Variants in ARMC2 observed in about 807,000 individuals in gnomAD.
ARMC2 encodes the protein armadillo repeat-containing protein 2.
ARMC2 carries 67 observed loss-of-function variants against 90.3 expected under a neutral mutation model. The ratio of observed to expected loss-of-function variants is 0.74; its 90% confidence interval spans 0.61 to 0.91. The LOEUF (loss-of-function observed/expected upper bound fraction) is 0.91, where lower values mean the gene tolerates loss of function less well. Among genes scored for constraint, ARMC2 ranks in the 40% least tolerant of loss-of-function variants. ARMC2 has a pLI of 0.00. For synonymous variants in ARMC2, 393 were observed against 393.0 expected, an observed-to-expected ratio of 1.00 and a Z score of 0.00; for missense variants, 920 against 1,030.9, an observed-to-expected ratio of 0.89 and a Z score of 1.47.
At chr6:108,927,363 A>G (rs184027472) in intron 10 of ARMC2, among the ~76,000 whole-genome samples, 1 of 152,342 alleles carries the variant, frequency 6.6e-6, no homozygotes, top group African/African-American at 2.4e-5. Context: ...GGGAGGTTAA[A>G]TAACTAACCC....
chr6:108,908,130 G>A lies in ARMC2; in HGVS notation c.1024-2769G>A, dbSNP rs79425483. ...TCTTGTAAAATGCAGATTCTGAGTC[G>A]GTAGTGCTGGGGGGGGCCTGAGATT... is the stretch of plus-strand genomic sequence containing the variant. On this transcript the variant is annotated intron_variant, in intron 8 of 17. Coordinates refer to ENST00000392644, the MANE Select transcript of ARMC2 (RefSeq NM_032131.6). 3.8e-3 allele frequency among the ~76,000 whole-genome samples: 461 copies of A among 121,058 alleles called. 3 individuals carry two copies. The highest frequency in any genetic ancestry group is 0.012 in the African/African-American group (443 of 37,158). The allele number at this position is 121,058 out of a possible 152,430, so 79.4% of individuals were successfully genotyped here.
intron 6 of ARMC2, among the ~76,000 whole-genome samples, chr6:108,895,482 C>CAAAAAAAA (rs58785510): frequency 1.0e-5 from 1 of 100,298 alleles, no homozygotes; most frequent in Non-Finnish European, 1.9e-5. Context: ...AGACTCATCT[C>CAAAAAAAA]AAAAAAAAAA....
At chr6:108,869,922 T>C (rs1462010538) in intron 4 of ARMC2, among the ~76,000 whole-genome samples, 5 of 152,112 alleles carry the variant, frequency 3.3e-5, no homozygotes, top group Admixed American at 3.3e-4. Context: ...AAAAATGAAG[T>C]AGAATAGAAT....
the ARMC2 span, among the ~76,000 whole-genome samples, chr6:108,979,774 T>C: frequency 6.6e-6 from 1 of 151,812 alleles, no homozygotes; most frequent in Non-Finnish European, 1.5e-5. Flanking sequence ...TTTCTTCTGC[T>C]TGATAGATAT....
chr6:108,971,466 A>G (rs1778760023), intron 17 of ARMC2, among the ~76,000 whole-genome samples: 1 of 152,204 alleles, frequency 6.6e-6, no homozygotes, highest in Non-Finnish European at 1.5e-5. Context: ...AGAGGAAGGT[A>G]CAAACTGGGA....
the ARMC2 span, among the ~76,000 whole-genome samples, chr6:109,038,026 G>A: frequency 6.6e-6 from 1 of 152,176 alleles, no homozygotes; most frequent in Non-Finnish European, 1.5e-5. Context: ...TCAAAATCAT[G>A]TCTATATGAG....
intron 1 of ARMC2, among the ~76,000 whole-genome samples, chr6:108,849,375 T>G (rs1773771707): frequency 6.6e-6 from 1 of 152,180 alleles, no homozygotes; most frequent in South Asian, 2.1e-4. Flanking sequence ...AATTATCTGT[T>G]TTCATAAAGG....
chr6:108,963,572 C>T (rs557431480), intron 15 of ARMC2, among the ~76,000 whole-genome samples: 1 of 151,918 alleles, frequency 6.6e-6, no homozygotes, highest in African/African-American at 2.4e-5. Context: ...CTTCCCCAAC[C>T]CTTTGCTCAG....
chr6:108,890,864 T>A (rs939304974), intron 5 of ARMC2, among the ~76,000 whole-genome samples: 1 of 152,194 alleles, frequency 6.6e-6, no homozygotes, highest in African/African-American at 2.4e-5. Flanking sequence ...CATCAGCCCA[T>A]CGTCTACATT....
rs75790503 is a variant in ARMC2 at position 108,861,519 on chromosome 6, A to G, written c.291+3248A>G. Among the ~76,000 whole-genome samples the G allele has an allele frequency of 5.8e-3, 884 of 152,374 alleles. 7 individuals carry two copies. The highest frequency in any genetic ancestry group is 0.021 in the African/African-American group (861 of 41,596). On this transcript the variant is annotated intron_variant, in intron 3 of 17. Coordinates refer to ENST00000392644, the MANE Select transcript of ARMC2 (RefSeq NM_032131.6). The stretch of plus-strand genomic sequence containing the variant: ...TGTCCAAATGACCCCAATTGCCTCA[A>G]AATGTATCTTATATTTTTAAAGTAT...
the ARMC2 span, among the ~76,000 whole-genome samples, chr6:109,039,655 A>G: frequency 6.6e-6 from 1 of 152,270 alleles, no homozygotes; most frequent in African/African-American, 2.4e-5. Flanking sequence ...TAGATGATTT[A>G]CATTTGTAGA....
chr6:108,994,346 T>C, the ARMC2 span: 11 of 759,844 alleles, frequency 1.4e-5, no homozygotes, highest in South Asian at 2.4e-4. Context: ...ACCTATGCAA[T>C]AGTCTCTCTA....
chr6:109,011,440 A>G, the ARMC2 span, among the ~76,000 whole-genome samples: 1 of 152,146 alleles, frequency 6.6e-6, no homozygotes, highest in South Asian at 2.1e-4. Context: ...CCTTCAAGCC[A>G]TTAAATGTCA....
chr6:108,873,843 C>T (rs1776674790), intron 4 of ARMC2, among the ~76,000 whole-genome samples: 1 of 152,200 alleles, frequency 6.6e-6, no homozygotes, highest in Non-Finnish European at 1.5e-5. Context: ...CTGCCCCCTC[C>T]TTACCTGGCT....
the ARMC2 span, among the ~76,000 whole-genome samples, chr6:109,023,189 C>T: frequency 6.6e-6 from 1 of 152,214 alleles, no homozygotes; most frequent in Non-Finnish European, 1.5e-5. Flanking sequence ...ACATGTTAAT[C>T]CTATCCCAAC....
chr6:108,870,396 G>C lies in ARMC2; in HGVS notation c.463+1401G>C, dbSNP rs563028305. Among the ~76,000 whole-genome samples the C allele has an allele frequency of 4.2e-4, 64 of 152,206 alleles. 1 individual carries two copies. The South Asian group carries it at 0.013, about 31-fold the overall frequency. ...GAGTGGTACCTCCATTCTGTGGCCA[G>C]GATATGATCTGCAGTCACCATGTCC... On this transcript the variant is annotated intron_variant, in intron 4 of 17. Coordinates refer to ENST00000392644, the MANE Select transcript of ARMC2 (RefSeq NM_032131.6).
At chr6:109,019,346 A>G in the ARMC2 span, among the ~76,000 whole-genome samples, 1 of 152,194 alleles carries the variant, frequency 6.6e-6, no homozygotes, top group Non-Finnish European at 1.5e-5. Context: ...TGCTCCAATA[A>G]TTTCAACTGG....
At chr6:108,924,001 T>C (rs1204777095) in intron 10 of ARMC2, 1 of 152,150 alleles carries the variant, frequency 6.6e-6, no homozygotes, top group African/African-American at 2.4e-5. Context: ...TATGAGCACA[T>C]TTGTTGTCCT....
chr6:108,911,676 T>C (rs985968750), intron 9 of ARMC2, among the ~76,000 whole-genome samples: 7 of 152,172 alleles, frequency 4.6e-5, no homozygotes, highest in African/African-American at 1.4e-4. Flanking sequence ...CTGAAAGAAA[T>C]GTCTAATGTT....
Sources: gnomAD v4.1 joint callset for allele counts (sites outside exome capture counted in the v4.1 genomes callset) on GRCh38, gnomAD v4.1.1 for gene constraint, MANE v1.5 for transcripts, NCBI Gene and HGNC (gene_info 2026-07-23, HGNC 2026-07-21) for gene names.